The following PLSCR4 variants were observed in gnomAD, a reference collection of about 807,000 sequenced individuals.
PLSCR4 encodes Ca(2+)-dependent phospholipid scramblase 4.
PLSCR4 carries 25 observed loss-of-function variants against 36.3 expected under a neutral mutation model. The ratio of observed to expected loss-of-function variants is 0.69; its 90% CI spans 0.50 to 0.96. PLSCR4 has a LOEUF of 0.96. Ranked by LOEUF, PLSCR4 falls within the 40% of genes least tolerant of loss-of-function variation. PLSCR4 has a pLI of 0.00. For synonymous variants in PLSCR4, 122 were observed against 132.9 expected (o/e 0.92, Z 0.56); for missense variants, 408 against 414.7 (o/e 0.98, Z 0.14).
intron 1 of PLSCR4, among the ~76,000 whole-genome samples, chr3:146,240,703 A>C (rs2036114393): frequency 1.3e-5 from 1 of 79,518 alleles, no homozygotes; most frequent in Non-Finnish European, 4.1e-5. Context: ...ATATGTAGAT[A>C]TCGAAACCTT....
Position 146,201,031 on chromosome 3 carries a change from A to T in PLSCR4, c.397+4T>A. The T allele has an allele frequency of 6.4e-7, 1 of 1,554,850 alleles. No individual in the cohort carries two copies. Among genetic ancestry groups the T allele is most frequent in the Non-Finnish European group, 8.7e-7 (1 of 1,152,922 alleles). On this transcript the variant is annotated splice_donor_region_variant and intron_variant, in intron 5 of 8. Coordinates refer to ENST00000354952, the MANE Select transcript of PLSCR4 (RefSeq NM_020353.3). Reference sequence around the variant, plus strand: ...CTGCTGAGCACTACAAAAATTATACATACTTTCCAGAGGCTCAAAATGCTG... The same window carrying T: ...CTGCTGAGCACTACAAAAATTATACTTACTTTCCAGAGGCTCAAAATGCTG...
chr3:146,200,309 C>A (rs1231046984), intron 5 of PLSCR4, among the ~76,000 whole-genome samples: 2 of 152,006 alleles, frequency 1.3e-5, no homozygotes, highest in African/African-American at 4.8e-5. Flanking sequence ...CCTTTTGTTT[C>A]AATTCCTGGA....
chr3:146,197,571 A>C (rs2033816597), intron 6 of PLSCR4, among the ~76,000 whole-genome samples: 1 of 152,212 alleles, frequency 6.6e-6, no homozygotes, highest in South Asian at 2.1e-4. Context: ...AAATGTGTAC[A>C]TGGGTTTATA....
chr3:146,195,969 T>G (rs1362130041), intron 7 of PLSCR4, among the ~76,000 whole-genome samples: 1 of 152,220 alleles, frequency 6.6e-6, no homozygotes, highest in Non-Finnish European at 1.5e-5. Context: ...TTGAAGATGA[T>G]GAATCTTGCC....
intron 3 of PLSCR4, among the ~76,000 whole-genome samples, chr3:146,209,569 A>G (rs779321633): frequency 6.6e-6 from 1 of 152,120 alleles, no homozygotes; most frequent in Non-Finnish European, 1.5e-5. Context: ...AGAATTGCCA[A>G]CAATAAGTAT....
intron 1 of PLSCR4, among the ~76,000 whole-genome samples, chr3:146,232,100 T>A (rs2035736091): frequency 6.6e-6 from 1 of 152,176 alleles, no homozygotes; most frequent in South Asian, 2.1e-4. Context: ...CTGCACCTTT[T>A]ATTGAACAGG....
intron 6 of PLSCR4, among the ~76,000 whole-genome samples, chr3:146,198,511 C>T (rs2033868847): frequency 6.6e-6 from 1 of 152,068 alleles, no homozygotes; most frequent in Admixed American, 6.6e-5. Context: ...AGTGATCCTC[C>T]TACCTTAGTC....
At chr3:146,213,866 G>T (rs2034756089) in intron 3 of PLSCR4, among the ~76,000 whole-genome samples, 1 of 151,936 alleles carries the variant, frequency 6.6e-6, no homozygotes, top group African/African-American at 2.4e-5. Context: ...TTTCTCTATG[G>T]TAAAAGCCTC....
intron 1 of PLSCR4, among the ~76,000 whole-genome samples, chr3:146,246,870 C>T (rs2036359101): frequency 6.6e-6 from 1 of 152,130 alleles, no homozygotes; most frequent in Non-Finnish European, 1.5e-5. Context: ...GCAGTGCATA[C>T]ATTTACACAA....
At chr3:146,196,855 C>A in intron 6 of PLSCR4, 62 bp from the exon 7 acceptor site, 1 of 1,390,498 alleles carries the variant, frequency 7.2e-7, no homozygotes, top group African/African-American at 1.4e-5. Context: ...CTTACACATA[C>A]GCACATACAC....
At position 146,193,362 on chromosome 3, in the gene PLSCR4, T is replaced by G. The variant is rs1293189728; in HGVS notation, c.*1049A>C. 1 of 152,128 alleles carries G rather than the reference T, an allele frequency of 6.6e-6. No homozygotes were observed. The highest frequency in any genetic ancestry group is 1.5e-5 in the Non-Finnish European group (1 of 68,016). The allele number at this position is 152,128 out of a possible 1,614,324, so 9.4% of individuals were successfully genotyped here. A position where few individuals can be genotyped will look rare whatever the true frequency, so the allele number is the denominator to read the frequency against. ...CTTTCACTTTTTATAAAGTGCTACA[T>G]AAAATGTCATATTTCCAAATTTAAA... On this transcript the variant is annotated 3_prime_UTR_variant, in exon 9 of 9. Coordinates refer to ENST00000354952, the MANE Select transcript of PLSCR4 (RefSeq NM_020353.3).
chr3:146,245,558 CATT>C (rs1185224307), intron 1 of PLSCR4, among the ~76,000 whole-genome samples: 16 of 151,996 alleles, frequency 1.1e-4, no homozygotes, highest in Admixed American at 3.3e-4. Context: ...TATCATGAAA[CATT>C]ATGATAAAAT....
At chr3:146,198,390 A>T (rs564018843) in intron 6 of PLSCR4, among the ~76,000 whole-genome samples, 32 of 152,196 alleles carry the variant, frequency 2.1e-4, no homozygotes, top group African/African-American at 6.5e-4. Flanking sequence ...AAGTGTCATA[A>T]ATTGGACTAG....
chr3:146,194,587 G>T, intron 8 of PLSCR4, 132 bp from the exon 9 acceptor site: 1 of 606,712 alleles, frequency 1.6e-6, no homozygotes. Flanking sequence ...AAATATTTAT[G>T]AAGAGCACCT....
chr3:146,213,954 T>A (rs749445124), intron 3 of PLSCR4, among the ~76,000 whole-genome samples: 1 of 152,096 alleles, frequency 6.6e-6, no homozygotes, highest in Non-Finnish European at 1.5e-5. Context: ...TAAGGTTTCT[T>A]AATTTTGTTG....
intron 7 of PLSCR4, 101 bp downstream of exon 7, chr3:146,196,531 A>T: frequency 9.5e-7 from 1 of 1,051,504 alleles, no homozygotes; most frequent in Non-Finnish European, 1.4e-6. Context: ...ACACTATGTT[A>T]TTCATTCACA....
intron 3 of PLSCR4, among the ~76,000 whole-genome samples, chr3:146,209,184 T>C (rs2108252171): frequency 6.6e-6 from 1 of 152,192 alleles, no homozygotes; most frequent in South Asian, 2.1e-4. Context: ...TTGTATGTTC[T>C]CACACGTAAG....
At chr3:146,219,430 A>G (rs1360888264) in intron 3 of PLSCR4, among the ~76,000 whole-genome samples, 3 of 152,204 alleles carry the variant, frequency 2.0e-5, no homozygotes, top group Admixed American at 6.5e-5. Flanking sequence ...AAGCATGATT[A>G]TAATTTAATA....
chr3:146,211,814 T>C (rs2034636366), intron 3 of PLSCR4, among the ~76,000 whole-genome samples: 1 of 152,194 alleles, frequency 6.6e-6, no homozygotes. Flanking sequence ...AAGAGTATTC[T>C]TTCCCTATTG....
Sources: allele counts gnomAD v4.1 joint callset (sites outside exome capture counted in the v4.1 genomes callset), GRCh38; gene constraint gnomAD v4.1.1; transcripts MANE v1.5; gene names NCBI Gene and HGNC (gene_info 2026-07-23, HGNC 2026-07-21).